The following PRR16 variants were observed in gnomAD, a reference collection of about 807,000 sequenced individuals.
PRR16 encodes the protein protein Largen.
A neutral mutation model predicts 18.2 loss-of-function variants in PRR16; 6 were observed. The ratio of observed to expected loss-of-function variants is 0.33; its 90% CI spans 0.18 to 0.65. The LOEUF is 0.65. Among genes scored for constraint, PRR16 ranks in the 30% least tolerant of loss-of-function variants. PRR16 has a pLI of 0.74. For synonymous variants in PRR16, 151 were observed against 147.8 expected, an observed-to-expected ratio of 1.02 and a Z score of -0.16; for missense variants, 412 against 376.6, an observed-to-expected ratio of 1.09 and a Z score of -0.78.
chr5:120,526,646 T>G (rs184851435), intron 1 of PRR16, among the ~76,000 whole-genome samples: 1 of 152,300 alleles, frequency 6.6e-6, no homozygotes, highest in East Asian at 1.9e-4. Flanking sequence ...AAAATAATAT[T>G]GTCTGGAAGT....
chr5:120,608,158 T>A (rs1228379149), intron 1 of PRR16, among the ~76,000 whole-genome samples: 1 of 152,176 alleles, frequency 6.6e-6, no homozygotes, highest in Non-Finnish European at 1.5e-5. Flanking sequence ...AGCACTTAGT[T>A]TTGAATCTTG....
At chr5:120,766,818 T>A in the PRR16 span, among the ~76,000 whole-genome samples, 2 of 151,940 alleles carry the variant, frequency 1.3e-5, no homozygotes, top group Non-Finnish European at 2.9e-5. Flanking sequence ...CTTCTATTAA[T>A]GCCAGTAAAT....
chr5:120,495,691 G>A (rs914455597), intron 1 of PRR16, among the ~76,000 whole-genome samples: 2 of 151,974 alleles, frequency 1.3e-5, no homozygotes, highest in East Asian at 1.9e-4. Flanking sequence ...AGATATATAT[G>A]ATTACCTTGT....
At chr5:120,516,133 C>G (rs553825553) in intron 1 of PRR16, among the ~76,000 whole-genome samples, 7 of 152,030 alleles carry the variant, frequency 4.6e-5, no homozygotes, top group African/African-American at 1.7e-4. Context: ...CAAACCAAAC[C>G]AAAACAAAAG....
chr5:120,493,048 ACTT>A (rs1750118845), intron 1 of PRR16, among the ~76,000 whole-genome samples: 2 of 152,132 alleles, frequency 1.3e-5, no homozygotes, highest in African/African-American at 4.8e-5. Context: ...TCATATAATG[ACTT>A]CTTTTCTTTT....
chr5:120,791,659 ATCT>A, the PRR16 span, among the ~76,000 whole-genome samples: 2 of 147,242 alleles, frequency 1.4e-5, no homozygotes, highest in Non-Finnish European at 3.0e-5. Context: ...TCTATCTATC[ATCT>A]ATCTATCATC....
At chr5:120,667,227 C>G (rs1164042563) in intron 1 of PRR16, among the ~76,000 whole-genome samples, 1 of 135,186 alleles carries the variant, frequency 7.4e-6, no homozygotes, top group East Asian at 1.9e-4. Flanking sequence ...TTTAGATTTT[C>G]TAGTTTATTT....
chr5:120,716,172 A>G, the PRR16 span, among the ~76,000 whole-genome samples: 1 of 152,048 alleles, frequency 6.6e-6, no homozygotes, highest in Non-Finnish European at 1.5e-5. Flanking sequence ...CTCAACATAT[A>G]TTTATTGGGG....
At chr5:120,727,465 G>T in the PRR16 span, among the ~76,000 whole-genome samples, 1 of 152,012 alleles carries the variant, frequency 6.6e-6, no homozygotes, top group Non-Finnish European at 1.5e-5. Flanking sequence ...CAGAATTCAG[G>T]CTCCTCCCCA....
At chr5:120,781,410 C>T in the PRR16 span, 1 of 152,094 alleles carries the variant, frequency 6.6e-6, no homozygotes, top group African/African-American at 2.4e-5. Context: ...TTTGGAGACG[C>T]ATGAGTGAAT....
intron 1 of PRR16, among the ~76,000 whole-genome samples, chr5:120,469,983 G>T (rs1251850627): frequency 6.6e-6 from 1 of 152,152 alleles, no homozygotes; most frequent in East Asian, 1.9e-4. Context: ...AATAAAGCCA[G>T]TGTAATAGGT....
intron 1 of PRR16, among the ~76,000 whole-genome samples, chr5:120,471,117 G>A (rs1229750968): frequency 1.3e-5 from 2 of 152,056 alleles, no homozygotes; most frequent in Admixed American, 6.5e-5. Context: ...TTATCTTCAT[G>A]GTAACAGTCA....
At chr5:120,548,923 T>C (rs1305741390) in intron 1 of PRR16, among the ~76,000 whole-genome samples, 9 of 148,038 alleles carry the variant, frequency 6.1e-5, no homozygotes, top group Admixed American at 5.4e-4. Context: ...CATTGAGACA[T>C]GCTGAAAATA....
At chr5:120,649,833 C>T (rs1336787277) in intron 1 of PRR16, among the ~76,000 whole-genome samples, 3 of 151,938 alleles carry the variant, frequency 2.0e-5, no homozygotes, top group Non-Finnish European at 4.4e-5. Flanking sequence ...TTTTATAAGG[C>T]ACCCCGTAAT....
At chr5:120,756,351 G>C in the PRR16 span, among the ~76,000 whole-genome samples, 3 of 152,022 alleles carry the variant, frequency 2.0e-5, no homozygotes, top group African/African-American at 7.2e-5. Context: ...TTGGCCTTAG[G>C]TTCCCTTCCT....
At chr5:120,710,052 C>T in the PRR16 span, among the ~76,000 whole-genome samples, 1,097 of 152,256 alleles carry the variant, frequency 7.2e-3, 14 homozygotes, top group African/African-American at 0.025. Context: ...CTTCTCTATA[C>T]TATTTTTCAT....
the PRR16 span, among the ~76,000 whole-genome samples, chr5:120,759,624 T>G: frequency 3.9e-5 from 6 of 152,132 alleles, no homozygotes; most frequent in African/African-American, 1.4e-4. Context: ...ATTATGTATT[T>G]GTCAAAACTC....
At chr5:120,594,370 AT>A (rs1580765618) in intron 1 of PRR16, among the ~76,000 whole-genome samples, 2 of 152,234 alleles carry the variant, frequency 1.3e-5, no homozygotes, top group East Asian at 1.9e-4. Context: ...CCACAAAAAA[AT>A]AATAGTAATA....
At chr5:120,724,051 A>G in the PRR16 span, among the ~76,000 whole-genome samples, 1 of 151,596 alleles carries the variant, frequency 6.6e-6, no homozygotes, top group Non-Finnish European at 1.5e-5. Context: ...CAGTCTTTGA[A>G]TATGTTTTTC....
Sources: gnomAD v4.1 joint callset for allele counts (sites outside exome capture counted in the v4.1 genomes callset) on GRCh38, gnomAD v4.1.1 for gene constraint, MANE v1.5 for transcripts, NCBI Gene and HGNC (gene_info 2026-07-23, HGNC 2026-07-21) for gene names.